The following UNC79 variants were observed in gnomAD, a reference collection of about 807,000 sequenced individuals.
The protein encoded by UNC79 is protein unc-79 homolog.
UNC79 carries 37 observed loss-of-function variants against 283.1 expected under a neutral mutation model. The ratio of observed to expected loss-of-function variants is 0.13; its 90% CI spans 0.10 to 0.17. The LOEUF (loss-of-function observed/expected upper bound fraction) is 0.17, where lower values mean the gene tolerates loss of function less well. Among genes scored for constraint, UNC79 ranks in the 10% least tolerant of loss-of-function variants. The pLI is 1.00. For synonymous variants in UNC79, 1,107 were observed against 1,200.2 expected, an observed-to-expected ratio of 0.92 and a Z score of 1.61; for missense variants, 2,272 against 3,211.1, an observed-to-expected ratio of 0.71 and a Z score of 7.07.
chr14:93,554,072 T>C (rs374766070), intron 14 of UNC79, among the ~76,000 whole-genome samples: 1 of 152,176 alleles, frequency 6.6e-6, no homozygotes, highest in Admixed American at 6.5e-5. Flanking sequence ...ACAGCATGGC[T>C]GGGCATGGTG....
upstream of UNC79, among the ~76,000 whole-genome samples, chr14:93,428,998 TA>T (rs1304447205): frequency 6.6e-6 from 1 of 152,198 alleles, no homozygotes; most frequent in Non-Finnish European, 1.5e-5. Context: ...GATAAAGGGA[TA>T]ATAGGTTTCC....
Position 93,590,007 on chromosome 14 carries a change from C to T in UNC79, c.3032+3099C>T, listed in dbSNP as rs1169305923. On this transcript the variant is annotated intron_variant, in intron 22 of 48. Coordinates refer to ENST00000555664, the Ensembl canonical transcript of UNC79. ...TTGAGGAGACTTTCTTCCATCTCTCCTGGGTTCTCATGGCTGCTGGCAATT... is the reference window on the plus strand; with the variant it reads ...TTGAGGAGACTTTCTTCCATCTCTCTTGGGTTCTCATGGCTGCTGGCAATT... Among the ~76,000 whole-genome samples, 3 of 152,158 alleles carry T rather than the reference C, an allele frequency of 2.0e-5. No individual in the cohort carries two copies. The East Asian group carries it at 5.8e-4, about 29-fold the overall frequency.
chr14:93,616,153 C>T (rs987036871), intron 27 of UNC79, among the ~76,000 whole-genome samples: 1 of 151,946 alleles, frequency 6.6e-6, no homozygotes, highest in Non-Finnish European at 1.5e-5. Flanking sequence ...TGTATAGTGG[C>T]TACATAGTTT....
intron 1 of UNC79, among the ~76,000 whole-genome samples, chr14:93,373,992 G>A (rs993563772): frequency 2.0e-5 from 3 of 152,096 alleles, no homozygotes; most frequent in African/African-American, 7.2e-5. Context: ...ATCAAAAGCG[G>A]TGGAGGCTTG....
intron 18 of UNC79, among the ~76,000 whole-genome samples, chr14:93,579,811 G>T (rs1240426093): frequency 1.3e-5 from 2 of 152,126 alleles, no homozygotes; most frequent in African/African-American, 4.8e-5. Flanking sequence ...CCAAGATCTG[G>T]ACTCTAGGTG....
chr14:93,641,753 AG>A (rs1288692082), intron 33 of UNC79, among the ~76,000 whole-genome samples: 1 of 152,240 alleles, frequency 6.6e-6, no homozygotes, highest in Non-Finnish European at 1.5e-5. Context: ...TTGATAAATT[AG>A]GTAGATGATA....
intron 1 of UNC79, among the ~76,000 whole-genome samples, chr14:93,370,482 A>G (rs892610461): frequency 1.3e-5 from 2 of 152,248 alleles, no homozygotes; most frequent in East Asian, 3.8e-4. Context: ...TTAAAAATAT[A>G]GTAATAGAGG....
At chr14:93,649,190 G>A (rs577853971) in intron 35 of UNC79, among the ~76,000 whole-genome samples, 5 of 152,214 alleles carry the variant, frequency 3.3e-5, no homozygotes, top group South Asian at 2.1e-4. Context: ...ACTGTAGCAG[G>A]TCCTACAAAC....
chr14:93,660,563 A>ATATATATATATATATGTGTG (rs1203621990), intron 39 of UNC79, among the ~76,000 whole-genome samples: 2 of 64,792 alleles, frequency 3.1e-5, no homozygotes, highest in Admixed American at 1.7e-4. Context: ...ATATATATAT[A>ATATATATATATATATGTGTG]TGTGTGTGTG....
At chr14:93,489,284 A>G (rs2058609156) in intron 5 of UNC79, among the ~76,000 whole-genome samples, 1 of 152,154 alleles carries the variant, frequency 6.6e-6, no homozygotes, top group Admixed American at 6.5e-5. Flanking sequence ...ATAGTATTCC[A>G]CCCTATTTTC....
intron 1 of UNC79, among the ~76,000 whole-genome samples, chr14:93,361,061 A>G (rs2054210053): frequency 6.6e-6 from 1 of 151,872 alleles, no homozygotes; most frequent in Admixed American, 6.6e-5. Flanking sequence ...TAAAAATACA[A>G]AAATTACCCG....
At chr14:93,601,008 CTG>C (rs2065460400) in intron 25 of UNC79, among the ~76,000 whole-genome samples, 1 of 152,144 alleles carries the variant, frequency 6.6e-6, no homozygotes, top group Admixed American at 6.5e-5. Flanking sequence ...CCATTTATGA[CTG>C]TGTGTTCCCT....
In UNC79 at chr14:93,444,974, A is replaced by T. The variant is rs760722258; in HGVS notation, c.22+13923A>T. ...ACAATCCTTGGAATGACACATATGT[A>T]AACTTATTTATGTCTTGTTTAATTC... On this transcript the variant is annotated intron_variant, in intron 1 of 48. Transcript: ENST00000555664. Among the ~76,000 whole-genome samples, 53 of 152,322 alleles carry T rather than the reference A, an allele frequency of 3.5e-4. 1 individual carries two copies. The highest frequency in any genetic ancestry group is 2.1e-3 in the South Asian group (10 of 4,826).
chr14:93,600,588 A>G, exon 25 of UNC79: 1 of 1,604,496 alleles, frequency 6.2e-7, no homozygotes, highest in South Asian at 1.1e-5. Flanking sequence ...CTTTGTCTTG[A>G]CTTCCAGTTT....
chr14:93,671,416 A>G (rs7146685), intron 40 of UNC79, among the ~76,000 whole-genome samples: 3,576 of 152,270 alleles, frequency 0.023, 55 homozygotes, highest in South Asian at 0.062. Flanking sequence ...AAAAGGATGA[A>G]TCAACTTTCA....
intron 1 of UNC79, among the ~76,000 whole-genome samples, chr14:93,360,130 A>G (rs1260741973): frequency 6.6e-6 from 1 of 152,176 alleles, no homozygotes; most frequent in Non-Finnish European, 1.5e-5. Context: ...TCATTTCCCC[A>G]GTGCTAGAAT....
chr14:93,571,643 T>A (rs777283973), intron 14 of UNC79, among the ~76,000 whole-genome samples: 1 of 152,240 alleles, frequency 6.6e-6, no homozygotes, highest in Non-Finnish European at 1.5e-5. Context: ...AAATCAACAG[T>A]AGCATCATTA....
intron 22 of UNC79, among the ~76,000 whole-genome samples, chr14:93,592,836 G>A (rs2064794298): frequency 6.6e-6 from 1 of 152,194 alleles, no homozygotes; most frequent in Non-Finnish European, 1.5e-5. Flanking sequence ...TTGCTGAGGT[G>A]CAGGATGTTA....
At chr14:93,444,740 A>G (rs2056412891) in intron 1 of UNC79, among the ~76,000 whole-genome samples, 1 of 148,014 alleles carries the variant, frequency 6.8e-6, no homozygotes, top group Non-Finnish European at 1.5e-5. Flanking sequence ...TCTGGACTCT[A>G]TTTTGTTTCT....
Sources: gnomAD v4.1 joint callset for allele counts (sites outside exome capture counted in the v4.1 genomes callset) on GRCh38, gnomAD v4.1.1 for gene constraint, MANE v1.5 for transcripts, NCBI Gene and HGNC (gene_info 2026-07-23, HGNC 2026-07-21) for gene names.